TMTC2: variants seen among roughly 807,000 people sequenced by gnomAD.
TMTC2 encodes transmembrane O-mannosyltransferase targeting cadherins 2.
A neutral mutation model predicts 82.4 loss-of-function variants in TMTC2; 43 were observed. The observed-to-expected ratio is 0.52, with a 90% confidence interval of 0.41 to 0.67. The LOEUF (loss-of-function observed/expected upper bound fraction) is 0.67. Among genes scored for constraint, TMTC2 ranks in the 30% least tolerant of loss-of-function variants. The pLI, the probability that TMTC2 is intolerant of heterozygous loss-of-function variation, is 0.00. For missense variants in TMTC2, 919 were observed against 1,012.4 expected (o/e 0.91, Z 1.25); for synonymous variants, 408 against 381.9 (o/e 1.07, Z -0.80).
rs1332533955 is a variant in TMTC2, at chr12:82,896,163, G to A, written c.1000G>A (p.Asp334Asn). 1.2e-6 allele frequency: 2 copies of A among 1,613,984 alleles called. No individual in the cohort carries two copies. Among genetic ancestry groups the A allele is most frequent in the South Asian group, 1.1e-5 (1 of 91,062 alleles). ...CTATGGTTTGAAGAGCCCGAGCGTA[G>A]ACAGAGAATGCAATGGGAAAACTGT... Reference protein sequence around the residue: ...AYYGLKSPSVDRECNGKTVTN... With the variant: ...AYYGLKSPSVNRECNGKTVTN... Residue 334 changes from aspartate to asparagine, a missense_variant, in exon 3 of 12, where the codon GAC becomes AAC. By Grantham distance (23) the Asp-to-Asn change is conservative (BLOSUM62 1). Coordinates refer to ENST00000321196, the MANE Select transcript of TMTC2 (RefSeq NM_152588.3).
chr12:82,796,320 T>C (rs73358224), intron 1 of TMTC2, among the ~76,000 whole-genome samples: 41,663 of 152,026 alleles, frequency 0.27, 5,907 homozygotes, highest in Middle Eastern at 0.42. Flanking sequence ...TTTTATTTGC[T>C]ATAAAAATTA....
chr12:82,889,237 A>T lies in TMTC2; in HGVS notation c.655-6581A>T, dbSNP rs1372180927. On this transcript the variant is annotated intron_variant, in intron 2 of 11. Coordinates refer to ENST00000321196, the MANE Select transcript of TMTC2 (RefSeq NM_152588.3). ...GGCTGCAGTGAGCCGAGATCGTACCATTGCACTCCAGCCTGGGAGACAGAG... is the reference window on the plus strand; with the variant it reads ...GGCTGCAGTGAGCCGAGATCGTACCTTTGCACTCCAGCCTGGGAGACAGAG... Among the ~76,000 whole-genome samples the T allele has an allele frequency of 2.7e-5, 4 of 150,500 alleles. No individual in the cohort carries two copies. In the Admixed American group the frequency reaches 2.7e-4, roughly 10 times the overall value.
At chr12:82,706,658 C>CA (rs1282973648) in intron 1 of TMTC2, among the ~76,000 whole-genome samples, 2 of 151,938 alleles carry the variant, frequency 1.3e-5, no homozygotes, top group East Asian at 3.9e-4. Context: ...AAGTTAAGAA[C>CA]AAAGATGAAA....
chr12:82,982,532 A>G (rs906158974), intron 7 of TMTC2, among the ~76,000 whole-genome samples: 2 of 151,444 alleles, frequency 1.3e-5, no homozygotes, highest in South Asian at 2.1e-4. Context: ...GAACTAAAGT[A>G]CATATTCTAG....
chr12:82,811,539 T>A (rs1868390724), intron 1 of TMTC2, among the ~76,000 whole-genome samples: 1 of 151,988 alleles, frequency 6.6e-6, no homozygotes, highest in African/African-American at 2.4e-5. Context: ...TCAGTACAAA[T>A]GTATGTATAA....
intron 11 of TMTC2, among the ~76,000 whole-genome samples, chr12:83,125,138 T>A (rs188140903): frequency 1.2e-3 from 186 of 152,318 alleles, no homozygotes; most frequent in African/African-American, 4.2e-3. Context: ...TTTACCATGG[T>A]TAATGTTGAG....
At chr12:82,943,592 G>A (rs901526492) in intron 4 of TMTC2, among the ~76,000 whole-genome samples, 1 of 152,096 alleles carries the variant, frequency 6.6e-6, no homozygotes, top group African/African-American at 2.4e-5. Context: ...AGCTCTCAAG[G>A]TGAAATTTAT....
chr12:82,920,322 C>T (rs1875311290), intron 3 of TMTC2, among the ~76,000 whole-genome samples: 1 of 152,084 alleles, frequency 6.6e-6, no homozygotes, highest in African/African-American at 2.4e-5. Flanking sequence ...CTTAAAACTA[C>T]CATGTATTTG....
At chr12:83,000,945 C>A (rs1398656156) in intron 8 of TMTC2, among the ~76,000 whole-genome samples, 2 of 152,182 alleles carry the variant, frequency 1.3e-5, no homozygotes, top group African/African-American at 4.8e-5. Flanking sequence ...GCAACAGCCT[C>A]CAGCTGTACC....
chr12:82,875,375 T>C (rs2403034), intron 2 of TMTC2, among the ~76,000 whole-genome samples: 10 of 128,508 alleles, frequency 7.8e-5, no homozygotes, highest in African/African-American at 5.1e-4. Context: ...TATATGTGTG[T>C]ATATATATAT....
chr12:83,106,397 G>A (rs1044230515), intron 11 of TMTC2, among the ~76,000 whole-genome samples: 12 of 151,598 alleles, frequency 7.9e-5, no homozygotes, highest in Admixed American at 2.6e-4. Flanking sequence ...TACTCAGAAG[G>A]CTGAGGCAGG....
intron 9 of TMTC2, among the ~76,000 whole-genome samples, chr12:83,043,116 G>A (rs1414693167): frequency 1.3e-5 from 2 of 152,184 alleles, no homozygotes; most frequent in African/African-American, 2.4e-5. Flanking sequence ...CTGAAAGAGC[G>A]AAAGCATATT....
At chr12:82,920,447 T>C (rs999096998) in intron 3 of TMTC2, among the ~76,000 whole-genome samples, 1 of 152,214 alleles carries the variant, frequency 6.6e-6, no homozygotes, top group Non-Finnish European at 1.5e-5. Flanking sequence ...TGGGAATATT[T>C]AATTGTTCTT....
At chr12:82,792,633 T>C (rs1469378215) in intron 1 of TMTC2, among the ~76,000 whole-genome samples, 2 of 151,842 alleles carry the variant, frequency 1.3e-5, no homozygotes, top group Admixed American at 6.6e-5. Context: ...CACCCAGCTA[T>C]TTTTTATTTT....
At chr12:83,002,793 T>A (rs1879985411) in intron 8 of TMTC2, among the ~76,000 whole-genome samples, 2 of 151,498 alleles carry the variant, frequency 1.3e-5, no homozygotes, top group African/African-American at 4.8e-5. Flanking sequence ...TTTTTTTTTT[T>A]AAATTTATTG....
intron 4 of TMTC2, 101 bp downstream of exon 4, chr12:82,930,646 T>C (rs1875979280): frequency 1.5e-6 from 1 of 652,952 alleles, no homozygotes; most frequent in Non-Finnish European, 2.6e-6. Flanking sequence ...ATAGCTATTG[T>C]CCTGAAATAG....
intron 11 of TMTC2, among the ~76,000 whole-genome samples, chr12:83,075,211 T>G (rs1349493353): frequency 1.3e-5 from 2 of 152,122 alleles, no homozygotes; most frequent in Non-Finnish European, 2.9e-5. Context: ...GTTGGGGCAC[T>G]CACAGTACTT....
intron 8 of TMTC2, among the ~76,000 whole-genome samples, chr12:83,001,826 C>G (rs1879940002): frequency 6.6e-6 from 1 of 152,006 alleles, no homozygotes; most frequent in Non-Finnish European, 1.5e-5. Context: ...CTGAGACCAC[C>G]TCAGCCTTAA....
intron 11 of TMTC2, among the ~76,000 whole-genome samples, chr12:83,108,230 T>C (rs993063908): frequency 2.0e-5 from 3 of 152,194 alleles, no homozygotes; most frequent in Non-Finnish European, 4.4e-5. Flanking sequence ...GTAATACTAC[T>C]AATCATTAAT....
Sources: allele counts gnomAD v4.1 joint callset (sites outside exome capture counted in the v4.1 genomes callset), GRCh38; gene constraint gnomAD v4.1.1; transcripts MANE v1.5; gene names NCBI Gene and HGNC (gene_info 2026-07-23, HGNC 2026-07-21).